Variants in ZHX3 observed in about 807,000 individuals in gnomAD.
The protein encoded by ZHX3 is zinc fingers and homeoboxes 3.
In ZHX3, 20 loss-of-function variants were observed where a neutral mutation model predicts 64.5. The ratio of observed to expected loss-of-function variants is 0.31; its 90% confidence interval spans 0.22 to 0.45. The LOEUF is 0.45. Ranked by LOEUF, ZHX3 falls within the 20% of genes least tolerant of loss-of-function variation. The pLI is 1.00. For missense variants in ZHX3, 1,041 were observed against 1,195.8 expected, an observed-to-expected ratio of 0.87 and a Z score of 1.91; for synonymous variants, 423 against 461.6, an observed-to-expected ratio of 0.92 and a Z score of 1.07.
intron 1 of ZHX3, among the ~76,000 whole-genome samples, chr20:41,294,898 T>C (rs578119011): frequency 6.6e-6 from 1 of 152,202 alleles, no homozygotes; most frequent in South Asian, 2.1e-4. Flanking sequence ...GTTTTCAACA[T>C]GTTGGCCAGA....
intron 1 of ZHX3, among the ~76,000 whole-genome samples, chr20:41,311,287 A>G (rs188789695): frequency 6.6e-6 from 1 of 152,252 alleles, no homozygotes; most frequent in Non-Finnish European, 1.5e-5. Flanking sequence ...TTTTTTGTGT[A>G]TAATTCTGCT....
At chr20:41,255,852 C>T (rs948741115) in intron 2 of ZHX3, among the ~76,000 whole-genome samples, 1 of 152,178 alleles carries the variant, frequency 6.6e-6, no homozygotes, top group Admixed American at 6.5e-5. Context: ...GCTGGCCATG[C>T]TGGGCCTCAG....
chr20:41,274,770 T>C (rs1296349802), intron 1 of ZHX3, among the ~76,000 whole-genome samples: 1 of 152,220 alleles, frequency 6.6e-6, no homozygotes, highest in African/African-American at 2.4e-5. Context: ...TGGTGTCAAC[T>C]TTTCAAAGTT....
At chr20:41,297,484 GA>G (rs1568957681) in intron 1 of ZHX3, among the ~76,000 whole-genome samples, 1 of 152,206 alleles carries the variant, frequency 6.6e-6, no homozygotes, top group Non-Finnish European at 1.5e-5. Flanking sequence ...GAGACTGGGG[GA>G]AGGGGAAACA....
At chr20:41,186,310 C>T (rs560859408) in intron 3 of ZHX3, among the ~76,000 whole-genome samples, 1 of 152,316 alleles carries the variant, frequency 6.6e-6, no homozygotes, top group South Asian at 2.1e-4. Flanking sequence ...CAAGGTCCAT[C>T]CATGTTGTAG....
intron 2 of ZHX3, chr20:41,267,473 T>C (rs939342718): frequency 3.3e-5 from 5 of 152,244 alleles, no homozygotes; most frequent in African/African-American, 7.2e-5. Context: ...TGAGCATCTA[T>C]TGTCCAGCAC....
intron 2 of ZHX3, among the ~76,000 whole-genome samples, chr20:41,258,690 T>G (rs994809192): frequency 2.6e-5 from 4 of 152,254 alleles, no homozygotes; most frequent in Non-Finnish European, 5.9e-5. Context: ...GCTCATGATG[T>G]TGATATGTCT....
chr20:41,220,518 T>G (rs936297327), intron 2 of ZHX3, among the ~76,000 whole-genome samples: 1 of 152,198 alleles, frequency 6.6e-6, no homozygotes, highest in Non-Finnish European at 1.5e-5. Flanking sequence ...TATAATTTTA[T>G]TCTTAGATTT....
chr20:41,291,164 G>A (rs2044217654), intron 1 of ZHX3, among the ~76,000 whole-genome samples: 1 of 152,192 alleles, frequency 6.6e-6, no homozygotes, highest in Non-Finnish European at 1.5e-5. Flanking sequence ...ACACGGAGCT[G>A]AGATGTGAAC....
At chr20:41,293,265 T>G (rs1308800715) in intron 1 of ZHX3, among the ~76,000 whole-genome samples, 1 of 152,244 alleles carries the variant, frequency 6.6e-6, no homozygotes, top group Non-Finnish European at 1.5e-5. Flanking sequence ...TGAATCAGAA[T>G]CTGCATTTTA....
At position 41,203,175 on chromosome 20, in the gene ZHX3, T is replaced by C. The variant is rs768093797; in HGVS notation, c.1742A>G (p.Lys581Arg). The C allele has an allele frequency of 3.1e-6, 5 of 1,614,136 alleles. No homozygotes were observed. The highest frequency in any genetic ancestry group is 4.2e-6 in the Non-Finnish European group (5 of 1,180,034). ...CGGAATGCAGGTTACCTCAGGGACC[T>C]TGGACGATGGGGAGAAGGACACCTC... is the stretch of plus-strand genomic sequence containing the variant. The part of the protein sequence containing the change: ...VPEVSFSPSS[K>R]VPEVTCIPTT... The change falls in exon 3 of 4, where the codon AAG becomes AGG. Residue 581 changes from lysine (K) to arginine (R), a missense_variant. By Grantham distance (26) the Lys-to-Arg change is conservative. This residue lies in a region of ZHX3 where 649 missense variants were observed against 739.8 expected (regional missense o/e 0.88). Transcript: ENST00000683867. This position sits in a 1 kb window ranked among gnomAD's most constrained non-coding sequence, Gnocchi z 7.1.
chr20:41,236,605 T>C (rs1364830991), intron 2 of ZHX3, among the ~76,000 whole-genome samples: 3 of 152,210 alleles, frequency 2.0e-5, no homozygotes, highest in African/African-American at 7.2e-5. Flanking sequence ...CCTTACACCT[T>C]ATACAAAAAT....
intron 2 of ZHX3, among the ~76,000 whole-genome samples, chr20:41,265,107 A>C (rs894857521): frequency 6.6e-6 from 1 of 152,224 alleles, no homozygotes; most frequent in African/African-American, 2.4e-5. Context: ...AGACACAAAT[A>C]CAATAAAGGC....
chr20:41,269,772 G>GGTCTCA, intron 1 of ZHX3, among the ~76,000 whole-genome samples: 1 of 152,066 alleles, frequency 6.6e-6, no homozygotes, highest in East Asian at 1.9e-4. Context: ...TATACCAGAA[G>GGTCTCA]GTCTCAGAAC....
intron 2 of ZHX3, among the ~76,000 whole-genome samples, chr20:41,227,462 C>T (rs2040345136): frequency 6.6e-6 from 1 of 152,222 alleles, no homozygotes; most frequent in African/African-American, 2.4e-5. Flanking sequence ...TCCCTATTCG[C>T]ATCTCAGCCT....
intron 2 of ZHX3, among the ~76,000 whole-genome samples, chr20:41,261,721 C>G (rs1457554431): frequency 6.6e-6 from 1 of 152,188 alleles, no homozygotes; most frequent in African/African-American, 2.4e-5. Context: ...ATCCTAAGGC[C>G]TTTTAATTTC....
chr20:41,223,157 T>C (rs894367587), intron 2 of ZHX3, among the ~76,000 whole-genome samples: 7 of 152,204 alleles, frequency 4.6e-5, no homozygotes, highest in Non-Finnish European at 1.0e-4. Context: ...AAACATTGGA[T>C]AATAATATCC....
intron 1 of ZHX3, among the ~76,000 whole-genome samples, chr20:41,299,112 T>C (rs948402045): frequency 6.6e-6 from 1 of 152,240 alleles, no homozygotes; most frequent in African/African-American, 2.4e-5. Flanking sequence ...GCAGCTCCTA[T>C]GTGCCAGCAT....
chr20:41,259,041 G>A (rs1475979014), intron 2 of ZHX3, among the ~76,000 whole-genome samples: 2 of 151,876 alleles, frequency 1.3e-5, no homozygotes, highest in African/African-American at 4.8e-5. Flanking sequence ...ATATAATTGT[G>A]GAGCTCTCAT....
Sources: allele counts gnomAD v4.1 joint callset (sites outside exome capture counted in the v4.1 genomes callset), GRCh38; gene constraint gnomAD v4.1.1; regional missense constraint gnomAD v4.1.1; non-coding constraint Gnocchi (gnomAD v3.1); transcripts MANE v1.5; gene names NCBI Gene and HGNC (gene_info 2026-07-23, HGNC 2026-07-21).